The following RBFOX2 variants were observed in gnomAD, a reference collection of about 807,000 sequenced individuals.
RBFOX2 encodes RNA binding fox-1 homolog 2.
In RBFOX2, 10 loss-of-function variants were observed where a neutral mutation model predicts 49.1. The observed-to-expected ratio is 0.20, with a 90% CI of 0.13 to 0.35. RBFOX2 has a LOEUF of 0.35. RBFOX2 is among the 10% of genes least tolerant of loss of function. The pLI, the probability that RBFOX2 is intolerant of heterozygous loss-of-function variation, is 1.00. For missense variants in RBFOX2, 323 were observed against 486.9 expected, an observed-to-expected ratio of 0.66 and a Z score of 3.17; for synonymous variants, 183 against 187.4, an observed-to-expected ratio of 0.98 and a Z score of 0.19.
exon 12 of RBFOX2, chr22:35,742,349 T>C (rs998674742): frequency 1.8e-4 from 28 of 152,590 alleles, no homozygotes; most frequent in Non-Finnish European, 8.8e-5. Context: ...GGATATGTAT[T>C]CTACACAACA....
intron 4 of RBFOX2, among the ~76,000 whole-genome samples, chr22:35,777,062 A>G (rs1486079549): frequency 2.7e-5 from 4 of 150,526 alleles, no homozygotes; most frequent in African/African-American, 9.8e-5. Context: ...CCCAGGCTGG[A>G]GTGCAGTGGC....
At chr22:35,957,517 T>C (rs1053761677) in intron 1 of RBFOX2, among the ~76,000 whole-genome samples, 3 of 152,214 alleles carry the variant, frequency 2.0e-5, no homozygotes, top group African/African-American at 4.8e-5. Context: ...CACAAGGTTT[T>C]AAATGTCTTT....
chr22:35,815,038 C>A (rs982118992), intron 1 of RBFOX2, among the ~76,000 whole-genome samples: 2 of 152,172 alleles, frequency 1.3e-5, no homozygotes, highest in Non-Finnish European at 2.9e-5. Context: ...AAACAGGAAC[C>A]CATTCAACAG....
At chr22:35,904,253 C>CT (rs1448743892) in intron 1 of RBFOX2, among the ~76,000 whole-genome samples, 2 of 152,176 alleles carry the variant, frequency 1.3e-5, no homozygotes, top group African/African-American at 2.4e-5. Flanking sequence ...CCCGTACTCT[C>CT]TGTTACTGTG....
chr22:35,918,725 G>C (rs2050702556), intron 1 of RBFOX2, among the ~76,000 whole-genome samples: 1 of 152,082 alleles, frequency 6.6e-6, no homozygotes, highest in South Asian at 2.1e-4. Flanking sequence ...CAACACACAA[G>C]ATTTACACAA....
At chr22:35,841,840 T>C (rs2040535899), upstream of RBFOX2, among the ~76,000 whole-genome samples, 3 of 152,158 alleles carry the variant, frequency 2.0e-5, no homozygotes, top group Non-Finnish European at 2.9e-5. Context: ...TGAGAATACA[T>C]AGTTTTTTGC....
chr22:35,765,178 T>C (rs1043119494), intron 6 of RBFOX2, among the ~76,000 whole-genome samples: 1 of 150,076 alleles, frequency 6.7e-6, no homozygotes, highest in Non-Finnish European at 1.5e-5. Context: ...GGCAACTAGA[T>C]AGCATGTTTG....
chr22:35,878,329 C>T (rs1238168497), intron 1 of RBFOX2, among the ~76,000 whole-genome samples: 4 of 151,998 alleles, frequency 2.6e-5, no homozygotes, highest in Admixed American at 6.6e-5. Flanking sequence ...ACCCAGGAGG[C>T]GATAGCTGCA....
chr22:35,840,300 C>T, exon 1 of RBFOX2: 1 of 1,613,028 alleles, frequency 6.2e-7, no homozygotes, highest in Non-Finnish European at 8.5e-7. Flanking sequence ...ACCCCCCTCC[C>T]CCCCCAATCT....
intron 3 of RBFOX2, among the ~76,000 whole-genome samples, chr22:35,780,057 G>A (rs1944787692): frequency 6.6e-6 from 1 of 152,092 alleles, no homozygotes; most frequent in Non-Finnish European, 1.5e-5. Flanking sequence ...AGTTTCTTCT[G>A]CGTAACCCAA....
intron 1 of RBFOX2, among the ~76,000 whole-genome samples, chr22:36,005,978 C>A (rs1017268095): frequency 2.0e-5 from 3 of 152,166 alleles, no homozygotes; most frequent in Admixed American, 6.5e-5. Context: ...AGGTTTAGTT[C>A]AAGCTTTCCA....
chr22:35,740,640 C>T (rs1306996530), exon 12 of RBFOX2: 1 of 152,606 alleles, frequency 6.6e-6, no homozygotes, highest in Non-Finnish European at 1.5e-5. Flanking sequence ...TGGCAAAAGG[C>T]AAGGACTGGT....
At chr22:35,961,719 A>G (rs954800609), upstream of RBFOX2, 2 of 1,282,166 alleles carry the variant, frequency 1.6e-6, no homozygotes, top group Non-Finnish European at 2.0e-6. Context: ...ATGGAGCAGG[A>G]TACACAAAAA....
chr22:35,753,762 T>C (rs1409004350), intron 9 of RBFOX2, among the ~76,000 whole-genome samples: 1 of 146,052 alleles, frequency 6.8e-6, no homozygotes, highest in Non-Finnish European at 1.5e-5. Flanking sequence ...AAGTTTGAAG[T>C]AGACAAGTCT....
At chr22:35,819,916 G>C (rs1297631257) in intron 1 of RBFOX2, among the ~76,000 whole-genome samples, 2 of 152,116 alleles carry the variant, frequency 1.3e-5, no homozygotes, top group Non-Finnish European at 2.9e-5. Flanking sequence ...AGAAACTAAG[G>C]CAACAAGCTA....
intron 2 of RBFOX2, among the ~76,000 whole-genome samples, chr22:35,796,840 T>C (rs1047711164): frequency 6.6e-6 from 1 of 152,174 alleles, no homozygotes; most frequent in Non-Finnish European, 1.5e-5. Context: ...CTTTAAGTAC[T>C]GAGAAACTGT....
intron 1 of RBFOX2, chr22:35,997,945 T>C (rs926957226): frequency 1.3e-5 from 2 of 152,218 alleles, no homozygotes; most frequent in Admixed American, 1.3e-4. Context: ...AAGGCTGCAG[T>C]GAGCCGTGAC....
intron 1 of RBFOX2, among the ~76,000 whole-genome samples, chr22:35,908,029 C>CAA (rs1444706867): frequency 6.6e-6 from 1 of 152,030 alleles, no homozygotes; most frequent in African/African-American, 2.4e-5. Flanking sequence ...CAGAGACTGT[C>CAA]AAAGAATCTT....
upstream of RBFOX2, among the ~76,000 whole-genome samples, chr22:35,843,165 G>A (rs920122424): frequency 6.6e-6 from 1 of 152,124 alleles, no homozygotes; most frequent in Non-Finnish European, 1.5e-5. Flanking sequence ...CAAAACTGGA[G>A]TCCCCTGGTG....
Sources: gnomAD v4.1 joint callset for allele counts (sites outside exome capture counted in the v4.1 genomes callset) on GRCh38, gnomAD v4.1.1 for gene constraint, MANE v1.5 for transcripts, NCBI Gene and HGNC (gene_info 2026-07-23, HGNC 2026-07-21) for gene names.